Variants in NBPF26 observed in about 807,000 individuals in gnomAD.
The protein encoded by NBPF26 is NBPF member 26.
In NBPF26, 79 loss-of-function variants were observed where a neutral mutation model predicts 119.6. The ratio of observed to expected loss-of-function variants is 0.66; its 90% CI spans 0.55 to 0.80. The LOEUF (loss-of-function observed/expected upper bound fraction) is 0.80. NBPF26 is among the 30% of genes least tolerant of loss of function. The pLI is 0.00. For missense variants in NBPF26, 800 were observed against 1,198.2 expected (o/e 0.67, Z 4.91); for synonymous variants, 299 against 457.7 (o/e 0.65, Z 4.43).
rs1160274383 is a variant in NBPF26 at position 120,745,145 on chromosome 1, C to CA, written c.74-18475dup. Among the ~76,000 whole-genome samples, 10 of 90,478 alleles carry CA rather than the reference C, an allele frequency of 1.1e-4. 1 individual carries two copies. Among genetic ancestry groups the CA allele is most frequent in the African/African-American group, 4.3e-4 (6 of 13,974 alleles). 59.4% of individuals were successfully genotyped at this position (90,478 alleles called of 152,430 possible). On this transcript the variant is annotated intron_variant, in intron 1 of 29. Coordinates refer to ENST00000620612, the Ensembl canonical transcript of NBPF26. ...CAAAAAAAAAAAAACAAAAAAAAAACAAAAAAAAGTGGTATTGGGCCTGTC... is the reference window on the plus strand; with the variant it reads ...CAAAAAAAAAAAAACAAAAAAAAAACAAAAAAAAAGTGGTATTGGGCCTGTC...
At chr1:120,733,172 A>G (rs1305012886) in intron 1 of NBPF26, among the ~76,000 whole-genome samples, 3 of 106,920 alleles carry the variant, frequency 2.8e-5, no homozygotes, top group Non-Finnish European at 5.2e-5. Context: ...ATATATATGC[A>G]CACACACATA....
In NBPF26 at chr1:120,785,011, C is replaced by T. The variant is rs1441573353; in HGVS notation, c.193C>T (p.Arg65Ter). ...CTTCTTGGGGGAATATTGTCAACAT[C>T]GAGACCCCTGTGAGAAGAACCGCTG... The change falls in exon 3 of 30, where the codon CGA becomes TGA. Residue 65 changes from arginine (R) to a stop codon, truncating the protein, a stop_gained. Transcript: ENST00000620612. LOFTEE classifies it high-confidence loss of function. 21 of 1,421,578 alleles carry T rather than the reference C, an allele frequency of 1.5e-5. 4 individuals carry two copies. The highest frequency in any genetic ancestry group is 5.9e-5 in the Admixed American group (3 of 51,104). 88.1% of individuals were successfully genotyped at this position (1,421,578 alleles called of 1,614,324 possible).
chr1:120,778,603 C>T (rs2101439707), intron 2 of NBPF26, among the ~76,000 whole-genome samples: 1 of 22,900 alleles, frequency 4.4e-5, no homozygotes, highest in Non-Finnish European at 7.1e-5. Context: ...TGGCCAAATC[C>T]TCGTTTTAAA....
chr1:120,724,488 G>A (rs1485397533), intron 1 of NBPF26, among the ~76,000 whole-genome samples: 1 of 121,266 alleles, frequency 8.2e-6, no homozygotes, highest in East Asian at 2.1e-4. Flanking sequence ...CCCCTCACAC[G>A]CCTCCTCGGC....
At chr1:120,770,730 G>A (rs1651254296) in intron 2 of NBPF26, among the ~76,000 whole-genome samples, 3 of 119,066 alleles carry the variant, frequency 2.5e-5, no homozygotes, top group Admixed American at 2.4e-4. Flanking sequence ...AAAATGTACT[G>A]TCACCTTGAG....
At position 120,811,302 on chromosome 1, in the gene NBPF26, T is replaced by C. The variant is rs1338116995; in HGVS notation, c.1565-584T>C. 2.8e-5 allele frequency among the ~76,000 whole-genome samples: 3 copies of C among 108,480 alleles called. 1 individual carries two copies. Among genetic ancestry groups the C allele is most frequent in the Non-Finnish European group, 5.3e-5 (3 of 56,574 alleles). The allele number at this position is 108,480 out of a possible 152,430, so 71.2% of individuals were successfully genotyped here. A position where few individuals can be genotyped will look rare whatever the true frequency, so the allele number is the denominator to read the frequency against. ...TGGCTCACATCTTAATCCCAACACT[T>C]TGGGAGGCCGAGGTGGGCGGAACAC... On this transcript the variant is annotated intron_variant, in intron 9 of 29. Transcript: ENST00000620612.
intron 26 of NBPF26, among the ~76,000 whole-genome samples, chr1:120,837,844 C>T (rs1441497947): frequency 3.7e-4 from 36 of 98,596 alleles, no homozygotes; most frequent in African/African-American, 2.1e-3. Flanking sequence ...TAACGATCTA[C>T]CAGAATGGGG....
At chr1:120,805,704 C>A in exon 5 of NBPF26, 1 of 1,455,270 alleles carries the variant, frequency 6.9e-7, no homozygotes, top group East Asian at 2.3e-5. Context: ...TGAGAAACCT[C>A]AAAGAGAAAT....
At position 120,805,821 on chromosome 1, in the gene NBPF26, C is replaced by A; in HGVS notation, c.961+56C>A. 1.6e-6 allele frequency: 2 copies of A among 1,215,266 alleles called. 1 individual carries two copies. Among genetic ancestry groups the A allele is most frequent in the Non-Finnish European group, 2.3e-6 (2 of 874,946 alleles). The allele number at this position is 1,215,266 out of a possible 1,614,324, so 75.3% of individuals were successfully genotyped here. A position where few individuals can be genotyped will look rare whatever the true frequency, so the allele number is the denominator to read the frequency against. On this transcript the variant is annotated intron_variant, in intron 5 of 29. Coordinates refer to ENST00000620612, the Ensembl canonical transcript of NBPF26. The stretch of plus-strand genomic sequence containing the variant: ...TGATGAATGATATCCTGTCTTCTCT[C>A]TGAGACACTAAATGCTCTCTCCATC...
At position 120,769,578 on chromosome 1, in the gene NBPF26, T is replaced by C. The variant is rs1166538944; in HGVS notation, c.155+5869T>C. ...TTTTAACATAAAACAAAGAATGCTG[T>C]TTTTTTGGCTCATTAAATACCTCTC... On this transcript the variant is annotated intron_variant, in intron 2 of 29. Coordinates refer to ENST00000620612, the Ensembl canonical transcript of NBPF26. 2.0e-4 allele frequency among the ~76,000 whole-genome samples: 25 copies of C among 122,608 alleles called. 3 individuals carry two copies. Among genetic ancestry groups the C allele is most frequent in the East Asian group, 1.6e-3 (8 of 4,996 alleles). 80.4% of individuals were successfully genotyped at this position (122,608 alleles called of 152,430 possible).
At position 120,737,608 on chromosome 1, in the gene NBPF26, G is replaced by A. The variant is rs1366453554; in HGVS notation, c.73+13358G>A. ...AGGAGTAGAAAGGGTGTTGGGATGG[G>A]AGAGGTGTGGCTATATTTAAAATTT... On this transcript the variant is annotated intron_variant, in intron 1 of 29. Transcript: ENST00000620612. Among the ~76,000 whole-genome samples, 9 of 85,710 alleles carry A rather than the reference G, an allele frequency of 1.1e-4. 1 individual carries two copies. The highest frequency in any genetic ancestry group is 5.4e-4 in the East Asian group (2 of 3,728). 56.2% of individuals were successfully genotyped at this position (85,710 alleles called of 152,430 possible). A position where few individuals can be genotyped will look rare whatever the true frequency, so the allele number is the denominator to read the frequency against.
intron 29 of NBPF26, among the ~76,000 whole-genome samples, chr1:120,840,131 G>C (rs1257232619): frequency 2.3e-4 from 2 of 8,576 alleles, no homozygotes; most frequent in East Asian, 0.01. Flanking sequence ...CTTTCTCTCT[G>C]TCTCTGTCTC....
chr1:120,776,278 A>G (rs1297778362), intron 2 of NBPF26, among the ~76,000 whole-genome samples: 1 of 111,660 alleles, frequency 9.0e-6, no homozygotes, highest in Non-Finnish European at 1.7e-5. Context: ...TTTCACAGGA[A>G]ATAACATTTA....
At position 120,804,974 on chromosome 1, in the gene NBPF26, C is replaced by G. The variant is rs1651645673; in HGVS notation, c.752-582C>G. ...GGAAAAGCCTTAAGCTCTGTTTTAA[C>G]TGAGAGCAGGTGGGGTGACTTCATG... On this transcript the variant is annotated intron_variant, in intron 4 of 29. Transcript: ENST00000620612. 1.7e-5 allele frequency among the ~76,000 whole-genome samples: 2 copies of G among 119,826 alleles called. 1 individual carries two copies. Among genetic ancestry groups the G allele is most frequent in the Non-Finnish European group, 3.3e-5 (2 of 60,722 alleles). The allele number at this position is 119,826 out of a possible 152,430, so 78.6% of individuals were successfully genotyped here.
chr1:120,840,219 T>G (rs1212969326), intron 29 of NBPF26, 131 bp from the exon 36 acceptor site: 1 of 1,321,848 alleles, frequency 7.6e-7, no homozygotes, highest in Non-Finnish European at 1.0e-6. Context: ...AATAAATTTT[T>G]TTTTTACCTC....
intron 1 of NBPF26, among the ~76,000 whole-genome samples, chr1:120,737,700 G>T (rs1196433316): frequency 0.75 from 91,110 of 121,924 alleles, 39,474 homozygotes; most frequent in Non-Finnish European, 0.8. Context: ...CTTTGTACTA[G>T]TTGAGACAAC....
chr1:120,817,254 C>G (rs1652029334), intron 14 of NBPF26, among the ~76,000 whole-genome samples: 1 of 113,454 alleles, frequency 8.8e-6, no homozygotes, highest in Non-Finnish European at 1.7e-5. Context: ...TCATCTGGAT[C>G]TCCTTTAAGT....
At chr1:120,802,571 G>C (rs1553269090) in intron 4 of NBPF26, among the ~76,000 whole-genome samples, 5 of 122,124 alleles carry the variant, frequency 4.1e-5, no homozygotes, top group Non-Finnish European at 8.1e-5. Context: ...TCAAATTCAA[G>C]CATGCTTTGA....
chr1:120,811,213 A>T lies in NBPF26; in HGVS notation c.1564+655A>T, dbSNP rs1571037540. Among the ~76,000 whole-genome samples, 2 of 103,618 alleles carry T rather than the reference A, an allele frequency of 1.9e-5. 1 individual carries two copies. Among genetic ancestry groups the T allele is most frequent in the Admixed American group, 1.8e-4 (2 of 10,890 alleles). The allele number at this position is 103,618 out of a possible 152,430, so 68.0% of individuals were successfully genotyped here. A position where few individuals can be genotyped will look rare whatever the true frequency, so the allele number is the denominator to read the frequency against. The stretch of plus-strand genomic sequence containing the variant: ...CAGTGAGCCAAGATTGTGCCACTGC[A>T]CTCCAGCCTGGGAGACAGAGCGAGA... On this transcript the variant is annotated intron_variant, in intron 9 of 29. Coordinates refer to ENST00000620612, the Ensembl canonical transcript of NBPF26.
Sources: allele counts gnomAD v4.1 joint callset (sites outside exome capture counted in the v4.1 genomes callset), GRCh38; gene constraint gnomAD v4.1.1; transcripts MANE v1.5; gene names NCBI Gene and HGNC (gene_info 2026-07-23, HGNC 2026-07-21).